Variants in MGST1 observed in about 807,000 individuals in gnomAD.
MGST1 encodes the protein microsomal glutathione S-transferase 1.
Under a neutral mutation model 8.9 loss-of-function variants are expected in MGST1, and 5 were observed. The observed-to-expected ratio is 0.56, with a 90% CI of 0.29 to 1.19. The LOEUF (loss-of-function observed/expected upper bound fraction) is 1.19, where lower values mean the gene tolerates loss of function less well. MGST1 is among the 50% of genes most tolerant of loss of function. MGST1 has a pLI of 0.08. For missense variants in MGST1, 182 were observed against 187.4 expected, an observed-to-expected ratio of 0.97 and a Z score of 0.17; for synonymous variants, 54 against 67.8, an observed-to-expected ratio of 0.80 and a Z score of 1.00.
At chr12:16,398,632 G>A (rs941586429) in intron 1 of MGST1, among the ~76,000 whole-genome samples, 2 of 152,184 alleles carry the variant, frequency 1.3e-5, no homozygotes, top group African/African-American at 4.8e-5. Flanking sequence ...GAAAATAACC[G>A]AGCCAGGGAG....
intron 4 of MGST1, among the ~76,000 whole-genome samples, chr12:16,483,544 GA>G (rs1941379010): frequency 6.6e-6 from 1 of 152,002 alleles, no homozygotes; most frequent in South Asian, 2.1e-4. Flanking sequence ...AGTTGACATA[GA>G]TATATTAATA....
At chr12:16,556,839 T>A (rs1942210075) in intron 4 of MGST1, among the ~76,000 whole-genome samples, 1 of 152,180 alleles carries the variant, frequency 6.6e-6, no homozygotes. Context: ...GGGGCTGAAG[T>A]GACAAGACAA....
intron 3 of MGST1, among the ~76,000 whole-genome samples, chr12:16,372,510 C>G (rs985881800): frequency 6.6e-6 from 1 of 151,872 alleles, no homozygotes; most frequent in Admixed American, 6.6e-5. Context: ...ATGGCTTTTA[C>G]CCAAGACAGA....
intron 4 of MGST1, among the ~76,000 whole-genome samples, chr12:16,477,470 T>A (rs1941331972): frequency 6.6e-6 from 1 of 152,200 alleles, no homozygotes; most frequent in Admixed American, 6.5e-5. Flanking sequence ...GAATCCTCCC[T>A]AACTTAAATT....
intron 4 of MGST1, among the ~76,000 whole-genome samples, chr12:16,450,614 C>G (rs1253630497): frequency 6.6e-6 from 1 of 151,886 alleles, no homozygotes; most frequent in East Asian, 1.9e-4. Context: ...ATTAATGAGA[C>G]AAGTTAAACC....
chr12:16,401,655 T>C lies in MGST1; in HGVS notation n.778+18051T>C. On this transcript the variant is annotated intron_variant and non_coding_transcript_variant, in intron 1 of 1. Transcript: ENST00000359720. The surrounding 1 kb of genome is among the most constrained non-coding windows in gnomAD (Gnocchi z 4.3). ...ATTCTTGTCACTCACCACACTGAAC[T>C]TGAGATTATAGTTGCCACCACTCTG... The C allele has an allele frequency of 6.2e-7, 1 of 1,601,164 alleles. No individual in the cohort carries two copies. Among genetic ancestry groups the C allele is most frequent in the Non-Finnish European group, 8.6e-7 (1 of 1,168,226 alleles).
chr12:16,491,678 A>C (rs1309413166), intron 4 of MGST1, among the ~76,000 whole-genome samples: 1 of 152,198 alleles, frequency 6.6e-6, no homozygotes, highest in Non-Finnish European at 1.5e-5. Flanking sequence ...AACATACAAC[A>C]TGTCATCAAG....
chr12:16,481,814 G>T (rs1941366173), intron 4 of MGST1, among the ~76,000 whole-genome samples: 1 of 151,842 alleles, frequency 6.6e-6, no homozygotes, highest in African/African-American at 2.4e-5. Context: ...ATACAGGGGG[G>T]TATGGGGGGT....
At chr12:16,450,727 A>G (rs564270788) in intron 4 of MGST1, among the ~76,000 whole-genome samples, 1 of 152,064 alleles carries the variant, frequency 6.6e-6, no homozygotes, top group South Asian at 2.1e-4. Flanking sequence ...TCCCAGCATG[A>G]GTGAATGGGC....
intron 4 of MGST1, among the ~76,000 whole-genome samples, chr12:16,465,985 G>A (rs1298598638): frequency 6.6e-6 from 1 of 152,042 alleles, no homozygotes; most frequent in Admixed American, 6.6e-5. Flanking sequence ...TTAATATATA[G>A]CTAATAACTC....
At chr12:16,477,820 T>C (rs563091242) in intron 4 of MGST1, among the ~76,000 whole-genome samples, 1 of 152,320 alleles carries the variant, frequency 6.6e-6, no homozygotes, top group African/African-American at 2.4e-5. Flanking sequence ...GTCTCAGAGG[T>C]GGAAGCCATC....
In MGST1 at chr12:16,410,202, A is replaced by T. The variant is rs1240651303; in HGVS notation, n.778+26598A>T. On this transcript the variant is annotated intron_variant and non_coding_transcript_variant, in intron 1 of 1. Coordinates refer to the MGST1 transcript ENST00000359720. The surrounding 1 kb of genome is among the most constrained non-coding windows in gnomAD (Gnocchi z 4.4). ...TTACCGTCATTTCTCTTTAACTTGG[A>T]GATTAGCCTATCTTGTCTGCTCTTT... is the stretch of plus-strand genomic sequence containing the variant. 2.0e-5 allele frequency among the ~76,000 whole-genome samples: 3 copies of T among 152,136 alleles called. No individual in the cohort carries two copies. Among genetic ancestry groups the T allele is most frequent in the Non-Finnish European group, 4.4e-5 (3 of 68,028 alleles).
intron 4 of MGST1, among the ~76,000 whole-genome samples, chr12:16,518,715 G>A (rs1591750299): frequency 6.6e-6 from 1 of 152,096 alleles, no homozygotes; most frequent in East Asian, 1.9e-4. Context: ...ACAATTATCG[G>A]TTTTGTTTTG....
chr12:16,384,836 C>T (rs891472172), intron 1 of MGST1, among the ~76,000 whole-genome samples: 2 of 152,212 alleles, frequency 1.3e-5, no homozygotes, highest in Non-Finnish European at 2.9e-5. Context: ...TACGCAGCTT[C>T]CTGGAGTTCT....
At chr12:16,368,357 C>T (rs951347178), downstream of MGST1, among the ~76,000 whole-genome samples, 1 of 152,166 alleles carries the variant, frequency 6.6e-6, no homozygotes, top group Non-Finnish European at 1.5e-5. Context: ...TTGCATCACA[C>T]TGATTCTTCA....
At position 16,513,358 on chromosome 12, in the gene MGST1, C is replaced by T; in HGVS notation, n.483-76170C>T. ...ATTTTATGCTTGCCCTCTGCTCCGT[C>T]CTGCGTCTGCCCACTGCCCTCCTAC... is the stretch of plus-strand genomic sequence containing the variant. On this transcript the variant is annotated intron_variant and non_coding_transcript_variant, in intron 4 of 4. Coordinates refer to the MGST1 transcript ENST00000538857. The surrounding 1 kb of genome is among the most constrained non-coding windows in gnomAD (Gnocchi z 4.2). The T allele has an allele frequency of 2.8e-6, 1 of 353,626 alleles. No individual in the cohort carries two copies. The highest frequency in any genetic ancestry group is 7.5e-5 in the East Asian group (1 of 13,284). The allele number at this position is 353,626 out of a possible 1,614,324, so 21.9% of individuals were successfully genotyped here.
intron 4 of MGST1, among the ~76,000 whole-genome samples, chr12:16,575,935 G>T (rs80145632): frequency 6.6e-6 from 1 of 152,102 alleles, no homozygotes; most frequent in African/African-American, 2.4e-5. Flanking sequence ...AGAAATGAAT[G>T]TCGGAACATT....
chr12:16,432,023 G>C (rs1210465714), intron 1 of MGST1, among the ~76,000 whole-genome samples: 1 of 151,876 alleles, frequency 6.6e-6, no homozygotes, highest in Non-Finnish European at 1.5e-5. Flanking sequence ...TTAAATATTT[G>C]ACTGGTCCTT....
chr12:16,505,277 A>G (rs1055570337), intron 4 of MGST1, among the ~76,000 whole-genome samples: 27 of 152,322 alleles, frequency 1.8e-4, no homozygotes, highest in African/African-American at 6.3e-4. Flanking sequence ...ATAAGCATAT[A>G]AAGTTTTATA....
Sources: allele counts gnomAD v4.1 joint callset (sites outside exome capture counted in the v4.1 genomes callset), GRCh38; gene constraint gnomAD v4.1.1; non-coding constraint Gnocchi (gnomAD v3.1); transcripts MANE v1.5; gene names NCBI Gene and HGNC (gene_info 2026-07-23, HGNC 2026-07-21).